Variants in PYGL observed in about 807,000 individuals in gnomAD.
PYGL encodes the protein glycogen phosphorylase L, also known as glycogen phosphorylase, liver form.
A neutral mutation model predicts 100.1 loss-of-function variants in PYGL; 90 were observed. The observed-to-expected ratio is 0.90, with a 90% CI of 0.76 to 1.07. PYGL has a LOEUF of 1.07. Among genes scored for constraint, PYGL ranks in the 50% least tolerant of loss-of-function variants. The pLI is 0.00. For synonymous variants in PYGL, 373 were observed against 393.0 expected (o/e 0.95, Z 0.60); for missense variants, 1,016 against 1,057.6 (o/e 0.96, Z 0.55).
At chr14:50,938,656 A>T (rs541641867) in intron 1 of PYGL, among the ~76,000 whole-genome samples, 1 of 152,340 alleles carries the variant, frequency 6.6e-6, no homozygotes, top group African/African-American at 2.4e-5. Flanking sequence ...GAAGGACTAA[A>T]TAAAAGTGTT....
At chr14:50,905,592 C>T in intron 19 of PYGL, 36 bp from the exon 20 acceptor site, 1 of 1,602,316 alleles carries the variant, frequency 6.2e-7, no homozygotes, top group Non-Finnish European at 8.6e-7. Context: ...CCCAGAGTCC[C>T]AGTGCGCAGT....
intron 5 of PYGL, among the ~76,000 whole-genome samples, chr14:50,922,702 A>G (rs1320517115): frequency 6.6e-6 from 1 of 152,190 alleles, no homozygotes; most frequent in Non-Finnish European, 1.5e-5. Flanking sequence ...CTTTAGTGTC[A>G]GGCTCCATCA....
chr14:50,914,866 C>G, intron 11 of PYGL, 51 bp from the exon 12 acceptor site: 1 of 1,356,174 alleles, frequency 7.4e-7, no homozygotes, highest in Non-Finnish European at 1.1e-6. Context: ...GGCAAAGGGT[C>G]CTGCACACTG....
chr14:50,934,523 A>G (rs928127172), intron 3 of PYGL, among the ~76,000 whole-genome samples: 7 of 152,198 alleles, frequency 4.6e-5, no homozygotes, highest in Non-Finnish European at 1.0e-4. Flanking sequence ...AAAGCCATAC[A>G]GTGTGATACC....
Position 50,912,288 on chromosome 14 carries a change from AC to A in PYGL, c.1635del (p.Lys545AsnfsTer12), listed in dbSNP as rs778895865. ...LAKVKQENKL[K>X]FSQFLETEYK... ...TACTCCGTCTCCAGGAACTGAGAAA[AC>A]TTCAGCTTATTCTCCTGTTAAGACA... is the stretch of plus-strand genomic sequence containing the variant. On this transcript the variant is annotated frameshift_variant, in exon 14 of 20. Coordinates refer to ENST00000216392, the MANE Select transcript of PYGL (RefSeq NM_002863.5). LOFTEE classifies it high-confidence loss of function. The A allele has an allele frequency of 6.2e-7, 1 of 1,613,972 alleles. No individual in the cohort carries two copies. The highest frequency in any genetic ancestry group is 1.1e-5 in the South Asian group (1 of 91,076).
intron 4 of PYGL, among the ~76,000 whole-genome samples, chr14:50,928,109 G>A (rs2050569677): frequency 6.6e-6 from 1 of 152,140 alleles, no homozygotes; most frequent in South Asian, 2.1e-4. Flanking sequence ...GGGTGCAGGT[G>A]GCAGCTGGAC....
chr14:50,917,962 T>C (rs368478904), intron 7 of PYGL, among the ~76,000 whole-genome samples: 39 of 151,710 alleles, frequency 2.6e-4, no homozygotes, highest in African/African-American at 8.2e-4. Context: ...ATATCCAGAA[T>C]CTACAAGGAA....
intron 4 of PYGL, among the ~76,000 whole-genome samples, chr14:50,929,903 T>A (rs75503405): frequency 0.023 from 3,464 of 152,316 alleles, 77 homozygotes; most frequent in East Asian, 0.079. Context: ...TATATATATT[T>A]CTTACAGAAA....
Position 50,944,428 on chromosome 14 carries a change from G to A in PYGL, c.-25C>T, listed in dbSNP as rs752563721. 1 of 1,587,616 alleles carries A rather than the reference G, an allele frequency of 6.3e-7. No homozygotes were observed. Among genetic ancestry groups the A allele is most frequent in the Non-Finnish European group, 8.5e-7 (1 of 1,169,990 alleles). ...TGGCTGGGGCGGCGGGCTGCGCGGC[G>A]GGCTGCGCAGAGAGCTGGAAGTGCG... is the stretch of plus-strand genomic sequence containing the variant. On this transcript the variant is annotated 5_prime_UTR_variant, in exon 1 of 20. Coordinates refer to ENST00000216392, the MANE Select transcript of PYGL (RefSeq NM_002863.5).
At position 50,944,189 on chromosome 14, in the gene PYGL, T is replaced by A; in HGVS notation, c.215A>T (p.Gln72Leu). Residue 72 changes from glutamine (Q) to leucine (L), a missense_variant, in exon 1 of 20, where the codon CAG becomes CTG. Coordinates refer to ENST00000216392, the MANE Select transcript of PYGL (RefSeq NM_002863.5). ...GGGGCACTTGTCGTAGTAGTGCTGC[T>A]GCGTGCGGATCCAGCGCCCCACCAG... ...DHLVGRWIRT[Q>L]QHYYDKCPKR... is the part of the protein sequence containing the mutation. 6.2e-7 allele frequency: 1 copy of A among 1,609,784 alleles called. No homozygotes were observed. Among genetic ancestry groups the A allele is most frequent in the Non-Finnish European group, 8.5e-7 (1 of 1,179,696 alleles).
chr14:50,944,109 G>A, intron 1 of PYGL, 52 bp downstream of exon 1: 2 of 1,556,184 alleles, frequency 1.3e-6, no homozygotes, highest in East Asian at 2.3e-5. Context: ...GGCCGCGGCC[G>A]GAGACTCCGA....
chr14:50,916,787 T>G lies in PYGL; in HGVS notation c.1000-53A>C, dbSNP rs1172896529. ...GGCAACGGATGGCTCAGGGTCTGGC[T>G]TCTTTGTCCTAACACATCTGGAGAA... On this transcript the variant is annotated intron_variant, in intron 8 of 19. Coordinates refer to ENST00000216392, the MANE Select transcript of PYGL (RefSeq NM_002863.5). The G allele has an allele frequency of 2.5e-6, 4 of 1,573,706 alleles. No homozygotes were observed. The East Asian group carries it at 9.0e-5, about 35-fold the overall frequency.
In PYGL at chr14:50,920,528, C is replaced by G; in HGVS notation, c.855+13G>C. ...CCTCTGTTGCCACTAAGAAAGCAAC[C>G]TTGATCACTCACATTGTCATTGGGA... On this transcript the variant is annotated intron_variant, in intron 7 of 19. Coordinates refer to ENST00000216392, the MANE Select transcript of PYGL (RefSeq NM_002863.5). 1.2e-6 allele frequency: 2 copies of G among 1,602,486 alleles called. No individual in the cohort carries two copies. The highest frequency in any genetic ancestry group is 8.6e-7 in the Non-Finnish European group (1 of 1,169,536).
chr14:50,942,743 C>T (rs925681251), intron 1 of PYGL, among the ~76,000 whole-genome samples: 4 of 115,416 alleles, frequency 3.5e-5, no homozygotes, highest in East Asian at 3.8e-4. Context: ...ATCGCTTCAA[C>T]CCTGGAGGCG....
Position 50,920,505 on chromosome 14 carries a change from T to G in PYGL, c.855+36A>C, listed in dbSNP as rs565764374. ...ACAGGCTCTTGTGAAATAAGCTGCC[T>G]CTGTTGCCACTAAGAAAGCAACCTT... On this transcript the variant is annotated intron_variant, in intron 7 of 19. Transcript: ENST00000216392. 3 of 1,538,272 alleles carry G rather than the reference T, an allele frequency of 2.0e-6. No homozygotes were observed. In the South Asian group the frequency reaches 3.4e-5, roughly 17 times the overall value.
Position 50,910,050 on chromosome 14 carries a change from G to A in PYGL, c.2022C>T (p.Ala674=), listed in dbSNP as rs368382274. ...SEQISTAGTE[A]SGTGNMKFML... ...TGAACTTCATATTGCCTGTCCCCGAGGCTTCGGTGCCTGCAGTGGAAATCT... is the reference window on the plus strand; with the variant it reads ...TGAACTTCATATTGCCTGTCCCCGAAGCTTCGGTGCCTGCAGTGGAAATCT... Residue 674 remains alanine (A), a synonymous_variant, in exon 17 of 20, where the codon GCC becomes GCT. Coordinates refer to ENST00000216392, the MANE Select transcript of PYGL (RefSeq NM_002863.5). 1.9e-6 allele frequency: 3 copies of A among 1,614,080 alleles called. No homozygotes were observed. In the African/African-American group the frequency reaches 4.0e-5, roughly 22 times the overall value.
intron 1 of PYGL, among the ~76,000 whole-genome samples, chr14:50,939,840 A>G (rs1238761561): frequency 6.6e-6 from 1 of 152,258 alleles, no homozygotes; most frequent in Non-Finnish European, 1.5e-5. Flanking sequence ...TATCATATTT[A>G]ACATACTAGT....
At chr14:50,915,712 C>G in intron 10 of PYGL, 113 bp downstream of exon 10, 1 of 1,480,670 alleles carries the variant, frequency 6.8e-7, no homozygotes, top group African/African-American at 1.4e-5. Flanking sequence ...GACTTGAGTA[C>G]TTTTGCTGTA....
intron 1 of PYGL, among the ~76,000 whole-genome samples, chr14:50,938,956 C>T (rs919726468): frequency 6.6e-6 from 1 of 152,158 alleles, no homozygotes; most frequent in African/African-American, 2.4e-5. Context: ...GATTAACTCC[C>T]ACACACCGCA....
Sources: allele counts gnomAD v4.1 joint callset (sites outside exome capture counted in the v4.1 genomes callset), GRCh38; gene constraint gnomAD v4.1.1; transcripts MANE v1.5; gene names NCBI Gene and HGNC (gene_info 2026-07-23, HGNC 2026-07-21).